Variants in MAGI2 observed in about 807,000 individuals in gnomAD.
The protein encoded by MAGI2 is membrane-associated guanylate kinase, WW and PDZ domain-containing protein 2.
In MAGI2, 35 loss-of-function variants were observed where a neutral mutation model predicts 133.3. The observed-to-expected ratio is 0.26, with a 90% CI of 0.20 to 0.35. The LOEUF (loss-of-function observed/expected upper bound fraction) is 0.35. MAGI2 is among the 10% of genes least tolerant of loss of function. The pLI is 1.00. For missense variants in MAGI2, 1,636 were observed against 1,863.4 expected (o/e 0.88, Z 2.25); for synonymous variants, 729 against 710.6 (o/e 1.03, Z -0.41).
chr7:78,593,558 T>C (rs144784421), intron 3 of MAGI2, among the ~76,000 whole-genome samples: 1,943 of 152,150 alleles, frequency 0.013, 40 homozygotes, highest in African/African-American at 0.042. Flanking sequence ...GTTTTAGAAG[T>C]AGAATATTTT....
rs190317761 is a variant in MAGI2, at chr7:78,941,952, A to G, written c.418+65138T>C. On this transcript the variant is annotated intron_variant, in intron 2 of 21. Transcript: ENST00000354212. ...ATAATCCCTTTGACTTCTCTACTCC[A>G]TCCCCCAAACCAGACTTGCCTATTA... Among the ~76,000 whole-genome samples the G allele has an allele frequency of 2.6e-5, 4 of 152,200 alleles. No homozygotes were observed. In the East Asian group the frequency reaches 7.7e-4, roughly 29 times the overall value.
chr7:78,318,315 T>C (rs940925179), intron 9 of MAGI2, among the ~76,000 whole-genome samples: 4 of 152,018 alleles, frequency 2.6e-5, no homozygotes, highest in Admixed American at 2.0e-4. Flanking sequence ...GCAAGAGAAC[T>C]TCATGAAGCA....
rs867845539 is a variant in MAGI2, at chr7:79,077,588, A to G, written c.302-70382T>C. Among the ~76,000 whole-genome samples the G allele has an allele frequency of 4.5e-4, 61 of 135,464 alleles. 5 individuals carry two copies. Among genetic ancestry groups the G allele is most frequent in the African/African-American group, 1.6e-3 (59 of 36,320 alleles). 88.9% of individuals were successfully genotyped at this position (135,464 alleles called of 152,430 possible). On this transcript the variant is annotated intron_variant, in intron 1 of 21. Coordinates refer to ENST00000354212, the MANE Select transcript of MAGI2 (RefSeq NM_012301.4). The stretch of plus-strand genomic sequence containing the variant: ...AGACTGCCTCTCAAAAAAAAAAAAA[A>G]AAAAAAATAAATAAATAAATAAATT...
chr7:78,603,392 G>A (rs930725081), intron 3 of MAGI2, among the ~76,000 whole-genome samples: 2 of 152,144 alleles, frequency 1.3e-5, no homozygotes, highest in African/African-American at 2.4e-5. Context: ...TTCTAGGCTG[G>A]TAGCTCTGAT....
intron 6 of MAGI2, among the ~76,000 whole-genome samples, chr7:78,429,236 A>G (rs1295203802): frequency 6.6e-6 from 1 of 152,052 alleles, no homozygotes; most frequent in African/African-American, 2.4e-5. Context: ...AACTGACCCA[A>G]ACATCATCAG....
intron 1 of MAGI2, among the ~76,000 whole-genome samples, chr7:79,374,730 T>C (rs983208099): frequency 6.6e-6 from 1 of 151,982 alleles, no homozygotes; most frequent in Non-Finnish European, 1.5e-5. Flanking sequence ...TATTTACAAA[T>C]TAAAAAATTA....
chr7:79,103,062 G>A (rs1818129411), intron 1 of MAGI2, among the ~76,000 whole-genome samples: 1 of 152,080 alleles, frequency 6.6e-6, no homozygotes, highest in South Asian at 2.1e-4. Flanking sequence ...GCCTTCCCAG[G>A]CCCCACAATC....
chr7:79,311,909 C>T (rs949093008), intron 1 of MAGI2, among the ~76,000 whole-genome samples: 6 of 152,108 alleles, frequency 3.9e-5, no homozygotes, highest in East Asian at 1.9e-4. Flanking sequence ...ATATCTGGTT[C>T]GTTAGCAAAT....
chr7:78,695,329 T>C (rs553362603), intron 2 of MAGI2, among the ~76,000 whole-genome samples: 1 of 152,210 alleles, frequency 6.6e-6, no homozygotes, highest in Non-Finnish European at 1.5e-5. Context: ...CCATGCCTTT[T>C]CTAGGACTGA....
chr7:78,548,211 G>T (rs1251251043), intron 3 of MAGI2, among the ~76,000 whole-genome samples: 1 of 152,202 alleles, frequency 6.6e-6, no homozygotes, highest in Non-Finnish European at 1.5e-5. Flanking sequence ...ACGTTGGAAA[G>T]TTCACAACAT....
At chr7:79,257,000 C>T (rs1205761496) in intron 1 of MAGI2, among the ~76,000 whole-genome samples, 1 of 152,016 alleles carries the variant, frequency 6.6e-6, no homozygotes, top group Non-Finnish European at 1.5e-5. Context: ...TAGTTATTGA[C>T]AATGTATTGC....
chr7:79,206,301 G>T (rs1471566928), intron 1 of MAGI2, among the ~76,000 whole-genome samples: 4 of 150,928 alleles, frequency 2.7e-5, no homozygotes, highest in African/African-American at 9.7e-5. Context: ...TTGGTTTTTT[G>T]AAAAAATTAA....
chr7:79,338,392 A>C (rs1309624550), intron 1 of MAGI2, among the ~76,000 whole-genome samples: 3 of 152,178 alleles, frequency 2.0e-5, no homozygotes, highest in Non-Finnish European at 4.4e-5. Flanking sequence ...TCATACCAGA[A>C]TAAATAAGAA....
chr7:78,476,790 G>A (rs934389218), intron 6 of MAGI2, among the ~76,000 whole-genome samples: 3 of 151,692 alleles, frequency 2.0e-5, no homozygotes, highest in Non-Finnish European at 2.9e-5. Context: ...TCACTCAATC[G>A]ATATTATTCC....
At chr7:79,037,066 A>C (rs906338371) in intron 1 of MAGI2, among the ~76,000 whole-genome samples, 1 of 152,208 alleles carries the variant, frequency 6.6e-6, no homozygotes, top group African/African-American at 2.4e-5. Flanking sequence ...ATTTGGCCAG[A>C]GCTGAAAATC....
At chr7:79,300,877 T>C (rs1364811110) in intron 1 of MAGI2, among the ~76,000 whole-genome samples, 1 of 152,192 alleles carries the variant, frequency 6.6e-6, no homozygotes, top group East Asian at 1.9e-4. Context: ...TGCTCTCACA[T>C]CCTGGCTGCT....
chr7:78,331,718 C>A (rs1173084573), intron 9 of MAGI2, among the ~76,000 whole-genome samples: 1 of 152,050 alleles, frequency 6.6e-6, no homozygotes, highest in African/African-American at 2.4e-5. Context: ...ATTTTATACC[C>A]AGTAGCATAC....
At position 78,089,265 on chromosome 7, in the gene MAGI2, T is replaced by A. The variant is rs377549755; in HGVS notation, c.3568-10180A>T. Reference sequence around the variant, plus strand: ...TGCCCTCTGATCTCCTGCTGATGCTTCTCATTGGCCAAATCCAATAGGAAG... The same window carrying A: ...TGCCCTCTGATCTCCTGCTGATGCTACTCATTGGCCAAATCCAATAGGAAG... On this transcript the variant is annotated intron_variant, in intron 20 of 21. Transcript: ENST00000354212. Among the ~76,000 whole-genome samples, 85 of 152,314 alleles carry A rather than the reference T, an allele frequency of 5.6e-4. No individual in the cohort carries two copies. The South Asian group carries it at 0.017, about 30-fold the overall frequency.
intron 21 of MAGI2, among the ~76,000 whole-genome samples, chr7:78,025,559 A>G (rs1808829661): frequency 6.6e-6 from 1 of 152,196 alleles, no homozygotes; most frequent in African/African-American, 2.4e-5. Context: ...ATAGAAATGG[A>G]AGACTTGAAA....
Sources: gnomAD v4.1 joint callset for allele counts (sites outside exome capture counted in the v4.1 genomes callset) on GRCh38, gnomAD v4.1.1 for gene constraint, MANE v1.5 for transcripts, NCBI Gene and HGNC (gene_info 2026-07-23, HGNC 2026-07-21) for gene names.